The following TENM1 variants were observed in gnomAD, a reference collection of about 807,000 sequenced individuals.
The protein encoded by TENM1 is teneurin transmembrane protein 1.
Under a neutral mutation model 174.8 loss-of-function variants are expected in TENM1, and 35 were observed. That is an observed-to-expected ratio of 0.20 (90% CI 0.15 to 0.27). TENM1 has a LOEUF of 0.27. Among genes scored for constraint, TENM1 ranks in the 10% least tolerant of loss-of-function variants. The pLI, the probability that TENM1 is intolerant of heterozygous loss-of-function variation, is 1.00. For synonymous variants in TENM1, 781 were observed against 798.7 expected (o/e 0.98, Z 0.37); for missense variants, 1,633 against 2,130.1 (o/e 0.77, Z 4.59).
chrX:124,834,048 C>T (rs1282165677), intron 3 of TENM1, among the ~76,000 whole-genome samples: 3 of 111,539 alleles, frequency 2.7e-5, no homozygotes, highest in East Asian at 2.8e-4. Context: ...TCATGCCCCC[C>T]GCCATGCCTG....
intron 1 of TENM1, among the ~76,000 whole-genome samples, chrX:124,900,791 C>CTTT (rs370775010): frequency 5.1e-5 from 5 of 98,198 alleles, no homozygotes; most frequent in Non-Finnish European, 8.2e-5. Context: ...TCTTCTTCTT[C>CTTT]TTTTTTTTTT....
At chrX:124,685,619 G>A (rs2052344829) in intron 5 of TENM1, among the ~76,000 whole-genome samples, 1 of 107,387 alleles carries the variant, frequency 9.3e-6, no homozygotes, top group Non-Finnish European at 1.9e-5. Context: ...GAGTACAATG[G>A]CATGATCTTG....
At chrX:124,396,659 A>T (rs1463105357) in intron 27 of TENM1, among the ~76,000 whole-genome samples, 1 of 110,887 alleles carries the variant, frequency 9.0e-6, no homozygotes, top group East Asian at 2.8e-4. Flanking sequence ...AAGAATAAGA[A>T]CTAGGCTGAA....
chrX:124,619,205 A>C (rs960875709), intron 11 of TENM1, among the ~76,000 whole-genome samples: 1 of 112,515 alleles, frequency 8.9e-6, no homozygotes, highest in African/African-American at 3.2e-5. Flanking sequence ...TTGAGCTGCC[A>C]ATTGTAGTTC....
intron 1 of TENM1, among the ~76,000 whole-genome samples, chrX:124,929,950 C>T (rs1421406668): frequency 2.7e-5 from 3 of 111,485 alleles, no homozygotes; most frequent in African/African-American, 9.8e-5. Context: ...GATTTAATTC[C>T]AAGATCTGGA....
chrX:124,632,843 A>G (rs187542262), intron 11 of TENM1, among the ~76,000 whole-genome samples: 1 of 112,048 alleles, frequency 8.9e-6, no homozygotes, highest in Admixed American at 9.5e-5. Context: ...ATCTCCAATC[A>G]CCTGATTTTG....
intron 11 of TENM1, among the ~76,000 whole-genome samples, chrX:124,601,580 A>T (rs184699958): frequency 1.8e-5 from 2 of 111,360 alleles, no homozygotes; most frequent in African/African-American, 6.5e-5. Context: ...ATTCTGAAAA[A>T]GTGTCTGTGG....
intron 3 of TENM1, among the ~76,000 whole-genome samples, chrX:124,816,162 C>T (rs1192190619): frequency 2.7e-5 from 3 of 111,254 alleles, no homozygotes; most frequent in Non-Finnish European, 5.7e-5. Flanking sequence ...AATCATTGGG[C>T]ATAAAATGGT....
intron 1 of TENM1, among the ~76,000 whole-genome samples, chrX:124,952,659 A>T (rs975838465): frequency 9.0e-6 from 1 of 111,595 alleles, no homozygotes; most frequent in African/African-American, 3.3e-5. Context: ...CCTTATAAAT[A>T]TCTCAGTTGA....
chrX:124,543,096 G>A (rs961648373), intron 15 of TENM1, among the ~76,000 whole-genome samples: 2 of 112,037 alleles, frequency 1.8e-5, no homozygotes, highest in Admixed American at 9.4e-5. Flanking sequence ...AGTGAAGGAC[G>A]TGAGTCAAGT....
At chrX:124,555,783 C>T (rs747164804) in intron 14 of TENM1, among the ~76,000 whole-genome samples, 2 of 112,157 alleles carry the variant, frequency 1.8e-5, no homozygotes, top group Non-Finnish European at 3.8e-5. Context: ...ATGAAGCCTG[C>T]AGCAGCAGGT....
chrX:124,867,156 T>C (rs2057023585), intron 3 of TENM1, among the ~76,000 whole-genome samples: 1 of 111,523 alleles, frequency 9.0e-6, no homozygotes, highest in Non-Finnish European at 1.9e-5. Context: ...AATATTACCC[T>C]GATACCAAAA....
At chrX:124,509,074 AACAC>A (rs3028390) in intron 18 of TENM1, among the ~76,000 whole-genome samples, 2 of 108,182 alleles carry the variant, frequency 1.8e-5, no homozygotes. Context: ...TAAAACAAAT[AACAC>A]ACACACACAC....
At chrX:124,467,285 A>G (rs1372612081) in intron 22 of TENM1, among the ~76,000 whole-genome samples, 1 of 112,195 alleles carries the variant, frequency 8.9e-6, no homozygotes, top group Non-Finnish European at 1.9e-5. Flanking sequence ...AGGCTTGAAG[A>G]TAACCTCACA....
the TENM1 span, among the ~76,000 whole-genome samples, chrX:125,071,431 G>A: frequency 9.0e-6 from 1 of 111,669 alleles, no homozygotes; most frequent in Non-Finnish European, 1.9e-5. Flanking sequence ...ATTTCAGAAT[G>A]ATGAACTTGA....
At chrX:124,630,390 C>G (rs2050730068) in intron 11 of TENM1, among the ~76,000 whole-genome samples, 1 of 112,090 alleles carries the variant, frequency 8.9e-6, no homozygotes, top group African/African-American at 3.2e-5. Flanking sequence ...ACATTCTTTG[C>G]TAGCATGGAA....
At chrX:124,954,354 T>G (rs2058538315) in intron 1 of TENM1, among the ~76,000 whole-genome samples, 1 of 111,191 alleles carries the variant, frequency 9.0e-6, no homozygotes, top group African/African-American at 3.3e-5. Flanking sequence ...TGCACCACTA[T>G]AAACCTCCCT....
intron 18 of TENM1, among the ~76,000 whole-genome samples, chrX:124,505,217 C>T (rs1330759105): frequency 8.9e-6 from 1 of 112,422 alleles, no homozygotes; most frequent in African/African-American, 3.2e-5. Flanking sequence ...GTAGCCATTC[C>T]TGGCGGGGAT....
the TENM1 span, among the ~76,000 whole-genome samples, chrX:124,977,963 TGTGTGAGAGAGAGAGAGAGA>T: frequency 0.029 from 1,156 of 40,519 alleles, 13 homozygotes; most frequent in African/African-American, 0.046. Flanking sequence ...TGTGTGTGTG[TGTGTGAGAGAGAGAGAGAGA>T]GAGAGAGAGA....
Sources: gnomAD v4.1 joint callset for allele counts (sites outside exome capture counted in the v4.1 genomes callset) on GRCh38, gnomAD v4.1.1 for gene constraint, MANE v1.5 for transcripts, NCBI Gene and HGNC (gene_info 2026-07-23, HGNC 2026-07-21) for gene names.